ZNF487: variants seen among roughly 807,000 people sequenced by gnomAD.
ZNF487 encodes the protein zinc finger protein 487.
ZNF487 carries 4 observed loss-of-function variants against 3.0 expected under a neutral mutation model. That is an observed-to-expected ratio of 1.35 (90% CI 0.66 to 3.08). ZNF487 has a LOEUF of 3.08. Ranked by LOEUF, ZNF487 falls within the 30% of genes most tolerant of loss-of-function variation. The pLI is 0.01. For missense variants in ZNF487, 146 were observed against 98.7 expected, an observed-to-expected ratio of 1.48 and a Z score of -2.03; for synonymous variants, 55 against 34.6, an observed-to-expected ratio of 1.59 and a Z score of -2.06.
the ZNF487 span, among the ~76,000 whole-genome samples, chr10:43,515,711 AG>A: frequency 4.6e-5 from 7 of 152,166 alleles, no homozygotes; most frequent in Admixed American, 4.6e-4. Flanking sequence ...AGACTCACTC[AG>A]GGCAATCTTA....
At chr10:43,494,957 A>G in the ZNF487 span, among the ~76,000 whole-genome samples, 1 of 148,126 alleles carries the variant, frequency 6.8e-6, no homozygotes, top group East Asian at 2.0e-4. Flanking sequence ...AAAAATCAGC[A>G]CGCTGGAAGA....
the ZNF487 span, among the ~76,000 whole-genome samples, chr10:43,495,718 C>A: frequency 6.6e-6 from 1 of 152,138 alleles, no homozygotes; most frequent in African/African-American, 2.4e-5. Flanking sequence ...ATATAATTAA[C>A]CCTTTGAGAG....
chr10:43,465,460 C>T lies in ZNF487; in HGVS notation c.-93-10261C>T, dbSNP rs542832803. ...GCAGCTGCCGGGCAGAGGGTCTCCT[C>T]GCTTCTCAGACGGGGCGGCCGGGCA... On this transcript the variant is annotated intron_variant, in intron 1 of 3. Transcript: ENST00000437590. Among the ~76,000 whole-genome samples, 25 of 151,486 alleles carry T rather than the reference C, an allele frequency of 1.7e-4. No homozygotes were observed. The South Asian group carries it at 4.6e-3, about 28-fold the overall frequency.
chr10:43,490,270 T>A, the ZNF487 span, among the ~76,000 whole-genome samples: 1 of 152,040 alleles, frequency 6.6e-6, no homozygotes. Flanking sequence ...GAGAATTGCT[T>A]GGCCTGCTGA....
At position 43,437,216 on chromosome 10, in the gene ZNF487, C is replaced by T. The variant is rs190401417; in HGVS notation, c.-140C>T. 8.2e-6 allele frequency: 2 copies of T among 244,382 alleles called. No individual in the cohort carries two copies. The highest frequency in any genetic ancestry group is 1.8e-4 in the East Asian group (1 of 5,544). The allele number at this position is 244,382 out of a possible 1,614,324, so 15.1% of individuals were successfully genotyped here. A position where few individuals can be genotyped will look rare whatever the true frequency, so the allele number is the denominator to read the frequency against. On this transcript the variant is annotated 5_prime_UTR_variant, in exon 1 of 4. It introduces an in-frame stop codon into an upstream open reading frame of the 5' UTR. Transcript: ENST00000437590. Reference sequence around the variant, plus strand: ...GTTCCTCCCTCCTCCGAGAGACCGCCGAGGTGCGGGCTGTGAGAGGGGGAG... The same window carrying T: ...GTTCCTCCCTCCTCCGAGAGACCGCTGAGGTGCGGGCTGTGAGAGGGGGAG...
At chr10:43,439,261 A>G (rs1839492124) in intron 1 of ZNF487, among the ~76,000 whole-genome samples, 1 of 151,968 alleles carries the variant, frequency 6.6e-6, no homozygotes, top group African/African-American at 2.4e-5. Context: ...TCAGCTGGGC[A>G]TTGTGGCATG....
the ZNF487 span, among the ~76,000 whole-genome samples, chr10:43,515,279 T>C: frequency 6.6e-6 from 1 of 152,202 alleles, no homozygotes; most frequent in Admixed American, 6.5e-5. Context: ...ACTTTAGTTA[T>C]AGGTCTAGAA....
intron 1 of ZNF487, among the ~76,000 whole-genome samples, chr10:43,455,236 C>T (rs893511198): frequency 2.0e-5 from 3 of 152,096 alleles, no homozygotes; most frequent in African/African-American, 7.2e-5. Context: ...TGGTCTCGAT[C>T]TCCTGACCTC....
At chr10:43,501,075 G>A in the ZNF487 span, among the ~76,000 whole-genome samples, 1 of 152,050 alleles carries the variant, frequency 6.6e-6, no homozygotes, top group Non-Finnish European at 1.5e-5. Flanking sequence ...TAGACTATAC[G>A]ATATAGCCTG....
At chr10:43,509,700 T>C in the ZNF487 span, among the ~76,000 whole-genome samples, 5 of 152,006 alleles carry the variant, frequency 3.3e-5, no homozygotes, top group South Asian at 1.0e-3. Context: ...TGCCTATATA[T>C]ATTCTAGCCT....
At chr10:43,511,491 C>G in the ZNF487 span, among the ~76,000 whole-genome samples, 2 of 152,148 alleles carry the variant, frequency 1.3e-5, no homozygotes, top group African/African-American at 4.8e-5. Flanking sequence ...GACGACAAAC[C>G]TCTGTCCATT....
the ZNF487 span, among the ~76,000 whole-genome samples, chr10:43,502,632 G>A: frequency 6.6e-6 from 1 of 152,144 alleles, no homozygotes; most frequent in Non-Finnish European, 1.5e-5. Context: ...ATACAATGAT[G>A]TATCATACAT....
At chr10:43,498,097 ATAT>A in the ZNF487 span, among the ~76,000 whole-genome samples, 14 of 10,044 alleles carry the variant, frequency 1.4e-3, no homozygotes, top group African/African-American at 4.2e-3. Context: ...ATATATATAT[ATAT>A]TTTTTTTTTT....
chr10:43,476,264 C>T, intron 3 of ZNF487, 62 bp downstream of exon 3: 1 of 675,088 alleles, frequency 1.5e-6, no homozygotes, highest in Non-Finnish European at 2.7e-6. Context: ...TAGGGAGATA[C>T]TTCACATATT....
the ZNF487 span, among the ~76,000 whole-genome samples, chr10:43,517,622 T>G: frequency 3.9e-5 from 6 of 152,302 alleles, no homozygotes; most frequent in South Asian, 1.2e-3. Flanking sequence ...TGGGGTCTCT[T>G]GGAAATAGAG....
At chr10:43,480,923 A>G (rs1259516385) in intron 3 of ZNF487, among the ~76,000 whole-genome samples, 4 of 152,168 alleles carry the variant, frequency 2.6e-5, no homozygotes, top group African/African-American at 9.7e-5. Context: ...ATCTCAGACT[A>G]TGAGTTAGAT....
At chr10:43,505,198 T>C in the ZNF487 span, among the ~76,000 whole-genome samples, 1 of 152,162 alleles carries the variant, frequency 6.6e-6, no homozygotes, top group Admixed American at 6.5e-5. Context: ...CCACTCTGGT[T>C]TGAATGAATA....
the ZNF487 span, among the ~76,000 whole-genome samples, chr10:43,517,177 T>A: frequency 1.3e-5 from 2 of 152,230 alleles, no homozygotes; most frequent in African/African-American, 2.4e-5. Context: ...GTGTGAGGGG[T>A]CTTGCCACCT....
chr10:43,449,469 T>C (rs1839931726), intron 1 of ZNF487, among the ~76,000 whole-genome samples: 1 of 152,116 alleles, frequency 6.6e-6, no homozygotes, highest in African/African-American at 2.4e-5. Context: ...GCTAATTTCA[T>C]AGGAAAATTC....
Sources: gnomAD v4.1 joint callset for allele counts (sites outside exome capture counted in the v4.1 genomes callset) on GRCh38, gnomAD v4.1.1 for gene constraint, MANE v1.5 for transcripts, NCBI Gene and HGNC (gene_info 2026-07-23, HGNC 2026-07-21) for gene names.